Variants in CRPPA observed in about 807,000 individuals in gnomAD.
CRPPA encodes the protein CDP-L-ribitol pyrophosphorylase A.
CRPPA carries 43 observed loss-of-function variants against 52.0 expected under a neutral mutation model. The observed-to-expected ratio is 0.83, with a 90% confidence interval of 0.65 to 1.07. The LOEUF (loss-of-function observed/expected upper bound fraction) is 1.07, where lower values mean the gene tolerates loss of function less well. CRPPA is among the 50% of genes least tolerant of loss of function. The pLI is 0.00. For missense variants in CRPPA, 629 were observed against 551.7 expected (o/e 1.14, Z -1.40); for synonymous variants, 250 against 203.5 (o/e 1.23, Z -1.94).
rs115170155 is a variant in CRPPA at position 16,331,887 on chromosome 7, C to G, written c.685-23260G>C. Among the ~76,000 whole-genome samples, 967 of 152,146 alleles carry G rather than the reference C, an allele frequency of 6.4e-3. 16 individuals carry two copies. The highest frequency in any genetic ancestry group is 0.023 in the African/African-American group (949 of 41,504). ...TAACATACAAGTATAATGGGAATAT[C>G]TATAAAAGAAAAAAATTAACTGAAG... On this transcript the variant is annotated intron_variant, in intron 3 of 9. Transcript: ENST00000407010.
intron 5 of CRPPA, among the ~76,000 whole-genome samples, chr7:16,281,987 T>C (rs971345536): frequency 6.6e-6 from 1 of 152,160 alleles, no homozygotes; most frequent in Non-Finnish European, 1.5e-5. Context: ...ACCAGTTTTA[T>C]TACTGTCATC....
chr7:16,405,022 T>C (rs903020526), intron 2 of CRPPA, among the ~76,000 whole-genome samples: 3 of 152,084 alleles, frequency 2.0e-5, no homozygotes, highest in African/African-American at 7.2e-5. Context: ...GAGATGAAGT[T>C]AGGGAAAATT....
intron 2 of CRPPA, among the ~76,000 whole-genome samples, chr7:16,387,276 G>A (rs1787313019): frequency 1.3e-5 from 2 of 150,926 alleles, no homozygotes; most frequent in Non-Finnish European, 3.0e-5. Flanking sequence ...CACAATAACA[G>A]AACAAAAAAG....
At chr7:16,323,023 G>A (rs1785297256) in intron 3 of CRPPA, among the ~76,000 whole-genome samples, 1 of 152,024 alleles carries the variant, frequency 6.6e-6, no homozygotes, top group Non-Finnish European at 1.5e-5. Flanking sequence ...GAACAGCATG[G>A]GGGAACCGAC....
intron 2 of CRPPA, among the ~76,000 whole-genome samples, chr7:16,389,928 A>AAAAAAAAAAAAAAAAAAAATATATAT: frequency 3.4e-5 from 1 of 29,760 alleles, no homozygotes; most frequent in Non-Finnish European, 5.3e-5. Flanking sequence ...AAAAAAAAAA[A>AAAAAAAAAAAAAAAAAAAATATATAT]ATATATATAT....
intron 9 of CRPPA, among the ~76,000 whole-genome samples, chr7:16,103,308 G>A (rs913196442): frequency 1.3e-5 from 2 of 152,260 alleles, no homozygotes; most frequent in Admixed American, 6.5e-5. Flanking sequence ...CTGTTGGTGG[G>A]TGTGGGACTA....
chr7:16,265,229 G>A (rs548594138), intron 6 of CRPPA, among the ~76,000 whole-genome samples: 3 of 152,300 alleles, frequency 2.0e-5, no homozygotes, highest in Middle Eastern at 3.4e-3. Context: ...TGCCACCATA[G>A]GACTTAAACC....
intron 8 of CRPPA, among the ~76,000 whole-genome samples, chr7:16,217,765 A>T (rs1283353484): frequency 1.4e-5 from 2 of 147,626 alleles, no homozygotes; most frequent in African/African-American, 5.0e-5. Flanking sequence ...GAAATGAGCA[A>T]AGCCTCCAAG....
chr7:16,205,318 T>C (rs1781950525), intron 9 of CRPPA, among the ~76,000 whole-genome samples: 2 of 152,196 alleles, frequency 1.3e-5, no homozygotes, highest in Admixed American at 6.6e-5. Context: ...GTTCTCATGA[T>C]GTTGCTGGCA....
intron 1 of CRPPA, 36 bp downstream of exon 1, chr7:16,421,030 C>G: frequency 2.4e-6 from 3 of 1,264,700 alleles, no homozygotes; most frequent in Non-Finnish European, 3.0e-6. Context: ...AGGCCGGGCC[C>G]CAGGGAACCG....
chr7:16,236,230 G>C (rs1038261852), intron 8 of CRPPA, among the ~76,000 whole-genome samples: 2 of 152,150 alleles, frequency 1.3e-5, no homozygotes, highest in African/African-American at 4.8e-5. Context: ...TATTCTCGAA[G>C]TGGAAATACT....
At chr7:16,338,171 A>G (rs984172577) in intron 3 of CRPPA, among the ~76,000 whole-genome samples, 8 of 152,252 alleles carry the variant, frequency 5.3e-5, no homozygotes, top group Admixed American at 2.0e-4. Context: ...AATTAAAAAC[A>G]CATTTTTTAA....
chr7:16,111,403 T>A (rs1527201), intron 9 of CRPPA, among the ~76,000 whole-genome samples: 48,276 of 152,042 alleles, frequency 0.32, 8,505 homozygotes, highest in Admixed American at 0.41. Flanking sequence ...CACGTAATTC[T>A]GAAATCCCAC....
intron 3 of CRPPA, among the ~76,000 whole-genome samples, chr7:16,327,425 T>C (rs1277135031): frequency 1.3e-5 from 2 of 151,022 alleles, no homozygotes; most frequent in Non-Finnish European, 2.9e-5. Context: ...ACCCCGTCTC[T>C]ACTAAAAATA....
chr7:16,390,907 T>C (rs1488812417), intron 2 of CRPPA, among the ~76,000 whole-genome samples: 1 of 152,182 alleles, frequency 6.6e-6, no homozygotes, highest in East Asian at 1.9e-4. Flanking sequence ...ATTGGTTTGG[T>C]CTGTTAGGCT....
intron 5 of CRPPA, among the ~76,000 whole-genome samples, chr7:16,286,064 T>TTTAAAAAAA (rs1562608509): frequency 3.4e-4 from 10 of 29,770 alleles, no homozygotes; most frequent in African/African-American, 1.9e-3. Context: ...TATATATATA[T>TTTAAAAAAA]ATATATATAT....
intron 9 of CRPPA, among the ~76,000 whole-genome samples, chr7:16,184,011 G>A (rs539268481): frequency 1.2e-3 from 187 of 152,060 alleles, no homozygotes; most frequent in South Asian, 0.011. Context: ...GCGTGAACTC[G>A]TCTCACTGCA....
chr7:16,137,793 A>G (rs1782789651), intron 9 of CRPPA, among the ~76,000 whole-genome samples: 1 of 152,182 alleles, frequency 6.6e-6, no homozygotes, highest in South Asian at 2.1e-4. Flanking sequence ...AATAAACTTA[A>G]TAAACAATTC....
chr7:16,235,349 C>T (rs368069384), intron 8 of CRPPA, among the ~76,000 whole-genome samples: 5 of 152,000 alleles, frequency 3.3e-5, no homozygotes, highest in East Asian at 3.9e-4. Context: ...GCTTCATGAC[C>T]CAGAGAGTGC....
Sources: gnomAD v4.1 joint callset for allele counts (sites outside exome capture counted in the v4.1 genomes callset) on GRCh38, gnomAD v4.1.1 for gene constraint, MANE v1.5 for transcripts, NCBI Gene and HGNC (gene_info 2026-07-23, HGNC 2026-07-21) for gene names.